The following BAZ2B variants were observed in gnomAD, a reference collection of about 807,000 sequenced individuals.
BAZ2B encodes bromodomain adjacent to zinc finger domain 2B.
A neutral mutation model predicts 246.0 loss-of-function variants in BAZ2B; 91 were observed. The observed-to-expected ratio is 0.37, with a 90% CI of 0.31 to 0.44. The LOEUF is 0.44. BAZ2B is among the 20% of genes least tolerant of loss of function. The pLI, the probability that BAZ2B is intolerant of heterozygous loss-of-function variation, is 1.00. For synonymous variants in BAZ2B, 855 were observed against 860.0 expected (o/e 0.99, Z 0.10); for missense variants, 2,332 against 2,533.7 (o/e 0.92, Z 1.71).
chr2:159,622,377 A>G, the BAZ2B span, among the ~76,000 whole-genome samples: 3 of 152,132 alleles, frequency 2.0e-5, no homozygotes, highest in African/African-American at 7.2e-5. Flanking sequence ...AAAAGATCAG[A>G]TATTTAAACA....
At chr2:159,628,407 T>C in the BAZ2B span, among the ~76,000 whole-genome samples, 1 of 152,214 alleles carries the variant, frequency 6.6e-6, no homozygotes, top group Non-Finnish European at 1.5e-5. Flanking sequence ...TCACGCTACC[T>C]GACTTCAAAC....
intron 27 of BAZ2B, among the ~76,000 whole-genome samples, chr2:159,365,837 G>C (rs1176341761): frequency 1.3e-5 from 2 of 152,162 alleles, no homozygotes; most frequent in African/African-American, 4.8e-5. Context: ...GCATAAACGT[G>C]CCTGACCAAA....
At chr2:159,597,572 G>A (rs1052045954) in intron 1 of BAZ2B, among the ~76,000 whole-genome samples, 2 of 152,126 alleles carry the variant, frequency 1.3e-5, no homozygotes, top group African/African-American at 4.8e-5. Context: ...CGTTGCCCAG[G>A]CTGGAGTGCA....
chr2:159,483,502 C>T (rs61423221), intron 2 of BAZ2B, among the ~76,000 whole-genome samples: 12,401 of 152,164 alleles, frequency 0.081, 733 homozygotes, highest in East Asian at 0.25. Context: ...CTAGGCTTGG[C>T]GCGGTGGCTC....
chr2:159,443,033 TG>T (rs1239973955), intron 6 of BAZ2B, among the ~76,000 whole-genome samples: 3 of 152,210 alleles, frequency 2.0e-5, no homozygotes, highest in African/African-American at 7.2e-5. Context: ...CTTTCAATTT[TG>T]GGTGGTATAT....
At chr2:159,402,648 C>T (rs967322857) in intron 16 of BAZ2B, among the ~76,000 whole-genome samples, 1 of 152,104 alleles carries the variant, frequency 6.6e-6, no homozygotes, top group African/African-American at 2.4e-5. Context: ...TTATAAGGTG[C>T]TATGTTTTCA....
At chr2:159,433,516 A>G in intron 8 of BAZ2B, 153 bp from the exon 9 acceptor site, 2 of 643,838 alleles carry the variant, frequency 3.1e-6, no homozygotes, top group Admixed American at 6.9e-5. Flanking sequence ...AGCAACAGCT[A>G]TGACTAGTTG....
chr2:159,326,037 T>G, intron 34 of BAZ2B, 119 bp from the exon 35 acceptor site: 1 of 823,880 alleles, frequency 1.2e-6, no homozygotes, highest in Non-Finnish European at 1.8e-6. Flanking sequence ...TGATCTAGAA[T>G]GTTGATAACT....
intron 25 of BAZ2B, among the ~76,000 whole-genome samples, chr2:159,380,963 G>T (rs756931629): frequency 6.6e-6 from 1 of 152,006 alleles, no homozygotes; most frequent in East Asian, 1.9e-4. Flanking sequence ...AGTATATGCC[G>T]AGTTCTGTGA....
At chr2:159,639,919 TA>T in the BAZ2B span, among the ~76,000 whole-genome samples, 374 of 151,656 alleles carry the variant, frequency 2.5e-3, 2 homozygotes, top group African/African-American at 8.6e-3. Flanking sequence ...CTGAATGGAT[TA>T]AAAAAAATAA....
the BAZ2B span, among the ~76,000 whole-genome samples, chr2:159,709,145 G>GAA: frequency 1.4e-4 from 20 of 147,606 alleles, no homozygotes; most frequent in Middle Eastern, 3.5e-3. Context: ...GATAAAAAAA[G>GAA]AAAAAAAAAA....
At position 159,438,714 on chromosome 2, in the gene BAZ2B, AG is replaced by A; in HGVS notation, c.901-20del. 6.4e-7 allele frequency: 1 copy of A among 1,554,226 alleles called. No individual in the cohort carries two copies. The highest frequency in any genetic ancestry group is 1.2e-5 in the South Asian group (1 of 80,486). On this transcript the variant is annotated intron_variant, in intron 7 of 36. Transcript: ENST00000392783. ...ATAGCACCTAGATATAAAAATGAAA[AG>A]GTAAGTTCCTAACATCTATTAAGAC...
At chr2:159,321,344 T>C (rs1325483055) in intron 36 of BAZ2B, among the ~76,000 whole-genome samples, 2 of 152,252 alleles carry the variant, frequency 1.3e-5, no homozygotes, top group Admixed American at 6.5e-5. Flanking sequence ...GAACAGTTTG[T>C]AGGTTCCTCA....
intron 2 of BAZ2B, among the ~76,000 whole-genome samples, chr2:159,503,046 C>T (rs2082000875): frequency 6.6e-6 from 1 of 152,136 alleles, no homozygotes; most frequent in African/African-American, 2.4e-5. Context: ...AGTAGCCTTC[C>T]AAGAGGTCTC....
chr2:159,640,808 T>G, the BAZ2B span, among the ~76,000 whole-genome samples: 2 of 149,310 alleles, frequency 1.3e-5, no homozygotes, highest in African/African-American at 4.9e-5. Context: ...CTCAGCATCA[T>G]AAGACAGGAT....
chr2:159,405,746 C>A (rs2065835302), intron 14 of BAZ2B, among the ~76,000 whole-genome samples: 1 of 151,896 alleles, frequency 6.6e-6, no homozygotes, highest in Non-Finnish European at 1.5e-5. Flanking sequence ...TTCAAGTAAA[C>A]CCCACTTAGT....
Position 159,337,741 on chromosome 2 carries a change from C to T in BAZ2B, c.5486G>A (p.Arg1829Lys). 1 of 1,614,106 alleles carries T rather than the reference C, an allele frequency of 6.2e-7. No individual in the cohort carries two copies. Among genetic ancestry groups the T allele is most frequent in the Non-Finnish European group, 8.5e-7 (1 of 1,180,000 alleles). ...GWMCPEPASE[R>K]EDLVYFEHKS... ...ATGTTCAAAATATACCAAGTCCTCCCTTTCTGATGCAGGCTCTGGACACAT... is the reference window on the plus strand; with the variant it reads ...ATGTTCAAAATATACCAAGTCCTCCTTTTCTGATGCAGGCTCTGGACACAT... Residue 1829 changes from arginine (R) to lysine (K), a missense_variant, in exon 32 of 37, where the codon AGG becomes AAG. Physicochemically the swap from Arg to Lys is conservative, Grantham distance 26 (BLOSUM62 2). This residue lies in a region of BAZ2B where 676 missense variants were observed against 668.6 expected (regional missense o/e 1.01). Transcript: ENST00000392783.
At chr2:159,505,193 T>C (rs1385903444) in intron 2 of BAZ2B, among the ~76,000 whole-genome samples, 1 of 152,234 alleles carries the variant, frequency 6.6e-6, no homozygotes, top group Non-Finnish European at 1.5e-5. Flanking sequence ...TGTAATTTCA[T>C]AGAAGAGAAT....
At chr2:159,359,506 C>T (rs141685002) in intron 27 of BAZ2B, among the ~76,000 whole-genome samples, 5,446 of 152,248 alleles carry the variant, frequency 0.036, 194 homozygotes, top group African/African-American at 0.096. Context: ...GACAGATTCA[C>T]AGCCGAATTC....
Sources: gnomAD v4.1 joint callset for allele counts (sites outside exome capture counted in the v4.1 genomes callset) on GRCh38, gnomAD v4.1.1 for gene constraint, gnomAD v4.1.1 regional missense constraint, MANE v1.5 for transcripts, NCBI Gene and HGNC (gene_info 2026-07-23, HGNC 2026-07-21) for gene names.